Variants in SHC3 observed in about 807,000 individuals in gnomAD.
SHC3 encodes SHC-transforming protein 3.
Under a neutral mutation model 60.4 loss-of-function variants are expected in SHC3, and 15 were observed. That is an observed-to-expected ratio of 0.25 (90% CI 0.17 to 0.38). The LOEUF (loss-of-function observed/expected upper bound fraction) is 0.38, where lower values mean the gene tolerates loss of function less well. SHC3 is among the 10% of genes least tolerant of loss of function. SHC3 has a pLI of 1.00. For missense variants in SHC3, 677 were observed against 786.1 expected (o/e 0.86, Z 1.66); for synonymous variants, 294 against 325.9 (o/e 0.90, Z 1.05).
At chr9:89,098,418 T>A (rs948857999) in intron 2 of SHC3, among the ~76,000 whole-genome samples, 5 of 152,222 alleles carry the variant, frequency 3.3e-5, no homozygotes, top group Non-Finnish European at 1.5e-5. Context: ...CATTGTGCTG[T>A]GAGTATGTAG....
intron 2 of SHC3, among the ~76,000 whole-genome samples, chr9:89,110,633 C>T (rs1044152525): frequency 6.6e-6 from 1 of 152,162 alleles, no homozygotes; most frequent in Non-Finnish European, 1.5e-5. Context: ...AAGTAAGAAA[C>T]ATGTCACCTA....
At chr9:89,128,175 T>C (rs1042418783) in intron 1 of SHC3, among the ~76,000 whole-genome samples, 3 of 152,300 alleles carry the variant, frequency 2.0e-5, no homozygotes, top group African/African-American at 7.2e-5. Context: ...CATGTGACTT[T>C]AGTAAGCTTT....
At chr9:89,126,150 C>G (rs1826161475) in intron 1 of SHC3, among the ~76,000 whole-genome samples, 1 of 152,116 alleles carries the variant, frequency 6.6e-6, no homozygotes, top group Non-Finnish European at 1.5e-5. Flanking sequence ...AGTTGGCTGA[C>G]TATGGGTAAG....
chr9:89,071,127 A>T, intron 5 of SHC3, 72 bp downstream of exon 5: 1 of 1,430,370 alleles, frequency 7.0e-7, no homozygotes, highest in Non-Finnish European at 9.8e-7. Context: ...CTTGCAAGGC[A>T]TATTATTGAA....
At chr9:89,097,406 C>T (rs565178939) in intron 2 of SHC3, among the ~76,000 whole-genome samples, 1 of 152,328 alleles carries the variant, frequency 6.6e-6, no homozygotes, top group African/African-American at 2.4e-5. Flanking sequence ...TACAAAAGCA[C>T]TGTGCCAAAC....
chr9:89,041,085 T>C (rs1249838302), intron 10 of SHC3, among the ~76,000 whole-genome samples: 1 of 152,226 alleles, frequency 6.6e-6, no homozygotes, highest in Non-Finnish European at 1.5e-5. Flanking sequence ...GTTTAGCACA[T>C]GGTAGAAAAT....
chr9:89,047,132 G>T, intron 7 of SHC3, 138 bp from the exon 8 acceptor site: 1 of 761,752 alleles, frequency 1.3e-6, no homozygotes, highest in Non-Finnish European at 1.9e-6. Context: ...CTCATGCATA[G>T]ATGAAAAGCA....
chr9:89,114,259 A>G (rs979261914), intron 1 of SHC3, among the ~76,000 whole-genome samples: 1 of 152,200 alleles, frequency 6.6e-6, no homozygotes, highest in Non-Finnish European at 1.5e-5. Flanking sequence ...TTACGTAAAT[A>G]TCATGCCAAT....
chr9:89,078,032 T>G (rs1323965629), intron 2 of SHC3, 129 bp from the exon 3 acceptor site: 1 of 1,032,854 alleles, frequency 9.7e-7, no homozygotes, highest in Admixed American at 2.2e-5. Context: ...GAGCTGCCAA[T>G]TTGGGAGTCA....
chr9:89,112,197 T>C (rs1825957313), intron 2 of SHC3, among the ~76,000 whole-genome samples: 1 of 152,200 alleles, frequency 6.6e-6, no homozygotes, highest in African/African-American at 2.4e-5. Context: ...CTTGACATCT[T>C]GATTTTCTTT....
intron 1 of SHC3, among the ~76,000 whole-genome samples, chr9:89,141,799 C>T (rs1423905192): frequency 1.3e-5 from 2 of 151,512 alleles, no homozygotes; most frequent in Non-Finnish European, 1.5e-5. Flanking sequence ...GGTCACAGGG[C>T]AAGATGATCA....
rs1824872531 is a variant in SHC3 at position 89,052,168 on chromosome 9, G to A, written c.836-5C>T. 11 of 1,613,326 alleles carry A rather than the reference G, an allele frequency of 6.8e-6. No individual in the cohort carries two copies. The East Asian group carries it at 2.5e-4, about 36-fold the overall frequency. Reference sequence around the variant, plus strand: ...AGCATTCCAAAATGTGACAAGCTGGGAAAGCAAGTGACATGGGCCTATTAG... The same window carrying A: ...AGCATTCCAAAATGTGACAAGCTGGAAAAGCAAGTGACATGGGCCTATTAG... On this transcript the variant is annotated splice_region_variant and splice_polypyrimidine_tract_variant and intron_variant, in intron 6 of 11. Transcript: ENST00000375835.
intron 7 of SHC3, 149 bp downstream of exon 7, chr9:89,051,888 A>T (rs889380535): frequency 1.2e-4 from 123 of 1,047,674 alleles, no homozygotes; most frequent in Non-Finnish European, 1.9e-5. Flanking sequence ...TTTCTGTGCC[A>T]TATCCCAGCA....
intron 1 of SHC3, among the ~76,000 whole-genome samples, chr9:89,148,793 T>G (rs1826505881): frequency 6.6e-6 from 1 of 152,204 alleles, no homozygotes. Flanking sequence ...AGTCACTGAC[T>G]CCAAATTTCA....
intron 1 of SHC3, among the ~76,000 whole-genome samples, chr9:89,122,936 A>T (rs1281082379): frequency 6.6e-6 from 1 of 152,244 alleles, no homozygotes; most frequent in African/African-American, 2.4e-5. Flanking sequence ...CTTTATGGCA[A>T]GTCAACTGGC....
At chr9:89,033,224 T>C (rs1340721772) in intron 11 of SHC3, among the ~76,000 whole-genome samples, 3 of 152,238 alleles carry the variant, frequency 2.0e-5, no homozygotes, top group Admixed American at 1.3e-4. Flanking sequence ...GTATAATAAA[T>C]ATGTTATTAG....
chr9:89,091,689 T>C (rs1825623440), intron 2 of SHC3, among the ~76,000 whole-genome samples: 2 of 152,184 alleles, frequency 1.3e-5, no homozygotes, highest in Non-Finnish European at 2.9e-5. Flanking sequence ...ACCATTACCA[T>C]TATCTGTTTC....
At chr9:89,051,635 A>T (rs1368305828) in intron 7 of SHC3, among the ~76,000 whole-genome samples, 1 of 152,178 alleles carries the variant, frequency 6.6e-6, no homozygotes, top group African/African-American at 2.4e-5. Flanking sequence ...CACGGAGGGG[A>T]CCTCTTGTAG....
intron 1 of SHC3, among the ~76,000 whole-genome samples, chr9:89,170,052 C>T (rs1235898188): frequency 1.3e-5 from 2 of 152,044 alleles, no homozygotes; most frequent in African/African-American, 2.4e-5. Flanking sequence ...TTTTTAGGGG[C>T]CTTTCCTGCT....
Sources: gnomAD v4.1 joint callset for allele counts (sites outside exome capture counted in the v4.1 genomes callset) on GRCh38, gnomAD v4.1.1 for gene constraint, MANE v1.5 for transcripts, NCBI Gene and HGNC (gene_info 2026-07-23, HGNC 2026-07-21) for gene names.